SLC35F4: variants seen among roughly 807,000 people sequenced by gnomAD.
SLC35F4 encodes chromosome 14 open reading frame 36.
A neutral mutation model predicts 44.2 loss-of-function variants in SLC35F4; 24 were observed. The observed-to-expected ratio is 0.54, with a 90% CI of 0.39 to 0.76. SLC35F4 has a LOEUF of 0.76. Ranked by LOEUF, SLC35F4 falls within the 30% of genes least tolerant of loss-of-function variation. SLC35F4 has a pLI of 0.00. For synonymous variants in SLC35F4, 238 were observed against 223.6 expected (o/e 1.06, Z -0.57); for missense variants, 562 against 586.1 (o/e 0.96, Z 0.42).
intron 1 of SLC35F4, among the ~76,000 whole-genome samples, chr14:57,737,094 ATCTT>A (rs1202544677): frequency 2.3e-5 from 3 of 127,798 alleles, no homozygotes; most frequent in African/African-American, 5.5e-5. Context: ...CATTCTTTCT[ATCTT>A]TGTGTGTGTG....
intron 1 of SLC35F4, among the ~76,000 whole-genome samples, chr14:57,906,135 A>C (rs971981460): frequency 1.3e-5 from 2 of 152,200 alleles, no homozygotes; most frequent in Admixed American, 6.5e-5. Flanking sequence ...TATACTTTCA[A>C]AAAACTTTTT....
At chr14:57,774,563 G>A (rs184346692) in intron 1 of SLC35F4, among the ~76,000 whole-genome samples, 40 of 152,316 alleles carry the variant, frequency 2.6e-4, no homozygotes, top group Admixed American at 8.5e-4. Flanking sequence ...CTGCGAGGTA[G>A]TCTTGCCCAT....
intron 1 of SLC35F4, among the ~76,000 whole-genome samples, chr14:57,774,738 A>C (rs2077447342): frequency 6.6e-6 from 1 of 151,908 alleles, no homozygotes; most frequent in Non-Finnish European, 1.5e-5. Context: ...CCCTGCAAAC[A>C]CTCACCAGCC....
chr14:57,601,466 C>T (rs1291811857), intron 1 of SLC35F4, among the ~76,000 whole-genome samples: 2 of 152,122 alleles, frequency 1.3e-5, no homozygotes, highest in Admixed American at 1.3e-4. Context: ...CCTTTCCCCC[C>T]TCCTCCCTCT....
At chr14:57,805,869 T>C (rs952115668) in intron 1 of SLC35F4, among the ~76,000 whole-genome samples, 9 of 152,288 alleles carry the variant, frequency 5.9e-5, no homozygotes, top group African/African-American at 2.2e-4. Flanking sequence ...GCATACAAAG[T>C]AGTATCCAAA....
At chr14:57,666,568 A>T (rs1013510032) in intron 1 of SLC35F4, among the ~76,000 whole-genome samples, 1 of 152,188 alleles carries the variant, frequency 6.6e-6, no homozygotes, top group Non-Finnish European at 1.5e-5. Context: ...CAGTTAAGCT[A>T]TACCACAACT....
chr14:57,898,122 T>TGGC (rs56316334), intron 1 of SLC35F4, among the ~76,000 whole-genome samples: 18,334 of 152,148 alleles, frequency 0.12, 1,331 homozygotes, highest in East Asian at 0.4. Flanking sequence ...CACTCAAAAG[T>TGGC]AACAACTTGT....
intron 1 of SLC35F4, among the ~76,000 whole-genome samples, chr14:57,659,296 C>G (rs186559997): frequency 6.6e-6 from 1 of 152,032 alleles, no homozygotes; most frequent in Non-Finnish European, 1.5e-5. Flanking sequence ...GAAAGGAAAG[C>G]AGGCTGAGTC....
At chr14:57,599,542 G>A (rs2070688924) in intron 1 of SLC35F4, among the ~76,000 whole-genome samples, 1 of 152,086 alleles carries the variant, frequency 6.6e-6, no homozygotes, top group Admixed American at 6.6e-5. Flanking sequence ...AGGGGACAGA[G>A]TGATTAGAAG....
intron 1 of SLC35F4, among the ~76,000 whole-genome samples, chr14:57,964,320 G>A (rs906823371): frequency 2.0e-5 from 3 of 152,002 alleles, no homozygotes; most frequent in African/African-American, 7.3e-5. Context: ...AGAATAGGAG[G>A]AAGACACCAA....
chr14:57,943,209 G>C (rs1002032595), intron 1 of SLC35F4, among the ~76,000 whole-genome samples: 1 of 152,182 alleles, frequency 6.6e-6, no homozygotes, highest in Non-Finnish European at 1.5e-5. Context: ...GCAGCCCCCA[G>C]TGGTTTTTGC....
intron 1 of SLC35F4, among the ~76,000 whole-genome samples, chr14:57,609,559 G>A (rs1352185287): frequency 6.6e-6 from 1 of 152,220 alleles, no homozygotes; most frequent in African/African-American, 2.4e-5. Context: ...GGCGAATTAT[G>A]GGAGCTATGC....
chr14:57,622,695 G>A (rs2072253175), intron 1 of SLC35F4, among the ~76,000 whole-genome samples: 1 of 152,108 alleles, frequency 6.6e-6, no homozygotes, highest in African/African-American at 2.4e-5. Flanking sequence ...GGGAGGGATA[G>A]CATTGGGAGA....
At chr14:57,749,818 G>T (rs986621637) in intron 1 of SLC35F4, among the ~76,000 whole-genome samples, 1 of 152,108 alleles carries the variant, frequency 6.6e-6, no homozygotes, top group Non-Finnish European at 1.5e-5. Flanking sequence ...AACCTAAGAG[G>T]GGAGGAATTG....
At chr14:57,852,398 C>T (rs141736599) in intron 1 of SLC35F4, among the ~76,000 whole-genome samples, 113 of 152,216 alleles carry the variant, frequency 7.4e-4, no homozygotes, top group Non-Finnish European at 1.3e-3. Flanking sequence ...AGAATCAGAC[C>T]TTGTAAGATC....
rs942264756 is a variant in SLC35F4, at chr14:57,968,391, T to A, written n.282+13522A>T. 3.3e-5 allele frequency among the ~76,000 whole-genome samples: 5 copies of A among 152,326 alleles called. No individual in the cohort carries two copies. The East Asian group carries it at 9.6e-4, about 29-fold the overall frequency. On this transcript the variant is annotated intron_variant and non_coding_transcript_variant, in intron 1 of 1. Coordinates refer to the SLC35F4 transcript ENST00000556568. ...AATGGCACAACTACATCTACCTCAC[T>A]CTTTTTACCTGCTGTCTGATACTCC...
At chr14:57,644,982 C>T (rs572251232) in intron 1 of SLC35F4, among the ~76,000 whole-genome samples, 1 of 152,244 alleles carries the variant, frequency 6.6e-6, no homozygotes, top group Admixed American at 6.5e-5. Context: ...TGGTCTATAT[C>T]TCTGTTGTGG....
chr14:57,926,202 C>T (rs1889565723), intron 1 of SLC35F4, among the ~76,000 whole-genome samples: 1 of 152,218 alleles, frequency 6.6e-6, no homozygotes, highest in Admixed American at 6.5e-5. Flanking sequence ...CCGTAAAGCC[C>T]TGGAGGCAGA....
chr14:57,726,991 T>C (rs1040563521), intron 1 of SLC35F4, among the ~76,000 whole-genome samples: 1 of 152,164 alleles, frequency 6.6e-6, no homozygotes, highest in Non-Finnish European at 1.5e-5. Flanking sequence ...GGATGCTTCC[T>C]GCCCTCAAAC....
Sources: allele counts gnomAD v4.1 joint callset (sites outside exome capture counted in the v4.1 genomes callset), GRCh38; gene constraint gnomAD v4.1.1; transcripts MANE v1.5; gene names NCBI Gene and HGNC (gene_info 2026-07-23, HGNC 2026-07-21).